PROSER3: variants seen among roughly 807,000 people sequenced by gnomAD.
PROSER3 encodes the protein proline and serine-rich protein 3.
In PROSER3, 33 loss-of-function variants were observed where a neutral mutation model predicts 50.2. The ratio of observed to expected loss-of-function variants is 0.66; its 90% CI spans 0.50 to 0.88. The LOEUF is 0.88. Among genes scored for constraint, PROSER3 ranks in the 40% least tolerant of loss-of-function variants. The probability of loss-of-function intolerance (pLI) is 0.00; values close to 1 mark genes in which losing one functional copy is unlikely to be tolerated. For missense variants in PROSER3, 623 were observed against 612.7 expected, an observed-to-expected ratio of 1.02 and a Z score of -0.18; for synonymous variants, 266 against 259.3, an observed-to-expected ratio of 1.03 and a Z score of -0.25.
chr19:35,758,324 C>T, intron 1 of PROSER3, 98 bp downstream of exon 1: 14 of 1,405,106 alleles, frequency 1.0e-5, no homozygotes, highest in Non-Finnish European at 1.3e-5. Flanking sequence ...TCTGGAGTCG[C>T]TAGGGCTCCA....
At chr19:35,762,395 C>G (rs753931790) in intron 5 of PROSER3, 39 bp downstream of exon 5, 2 of 1,495,688 alleles carry the variant, frequency 1.3e-6, no homozygotes, top group East Asian at 2.4e-5. Context: ...GGTGCCTGAA[C>G]TGACAACACC....
intron 5 of PROSER3, among the ~76,000 whole-genome samples, chr19:35,763,455 C>T (rs4806201): frequency 0.16 from 24,744 of 150,834 alleles, 2,222 homozygotes; most frequent in South Asian, 0.29. Context: ...ATCCGCCCAC[C>T]TCAGCCTCCC....
intron 2 of PROSER3, 127 bp from the exon 3 acceptor site, chr19:35,759,662 G>T: frequency 9.4e-7 from 1 of 1,058,968 alleles, no homozygotes; most frequent in Non-Finnish European, 1.4e-6. Flanking sequence ...CATCACACTA[G>T]GTTGTTATCA....
intron 5 of PROSER3, chr19:35,762,611 A>C (rs960811116): frequency 2.4e-6 from 1 of 420,032 alleles, no homozygotes; most frequent in Non-Finnish European, 4.3e-6. Context: ...CTGTAATCCC[A>C]GCTACTTGAG....
rs373216737 is a variant in PROSER3, at chr19:35,767,946, C to G, written c.1100C>G (p.Ser367Trp). 8.1e-5 allele frequency: 131 copies of G among 1,610,770 alleles called. No individual in the cohort carries two copies. The East Asian group carries it at 1.4e-3, about 17-fold the overall frequency. The change falls in exon 9 of 11, where the codon TCG becomes TGG. Residue 367 changes from serine to tryptophan, a missense_variant. This residue lies in a region of PROSER3 where 380 missense variants were observed against 346.8 expected (regional missense o/e 1.10). Coordinates refer to ENST00000396908, the Ensembl canonical transcript of PROSER3. ...GAGCAGGCAACCACAGTCAAGGCCT[C>G]GCCGCCAGCCTTCCAGGTGGGGTCT...
intron 5 of PROSER3, 116 bp downstream of exon 5, chr19:35,762,472 GCCAAGGT>G (rs1970987275): frequency 2.0e-6 from 2 of 991,794 alleles, no homozygotes; most frequent in African/African-American, 3.2e-5. Flanking sequence ...ACTTTGGGAG[GCCAAGGT>G]GAGAGGACTG....
At chr19:35,758,213 G>A (rs1339650566) in exon 1 of PROSER3, 1 of 1,561,882 alleles carries the variant, frequency 6.4e-7, no homozygotes, top group Admixed American at 1.9e-5. Context: ...AGGGAGCCGC[G>A]GGATGGACCG....
intron 2 of PROSER3, 49 bp from the exon 3 acceptor site, chr19:35,759,740 A>T: frequency 6.7e-7 from 1 of 1,487,490 alleles, no homozygotes; most frequent in South Asian, 1.2e-5. Flanking sequence ...TGCAGGGATG[A>T]CCCATGAGAC....
Position 35,767,051 on chromosome 19 carries a change from ATC to A in PROSER3, c.957+102_957+103del, listed in dbSNP as rs1971171448. 7.3e-7 allele frequency: 1 copy of A among 1,368,816 alleles called. No individual in the cohort carries two copies. Among genetic ancestry groups the A allele is most frequent in the Non-Finnish European group, 9.8e-7 (1 of 1,016,442 alleles). 84.8% of individuals were successfully genotyped at this position (1,368,816 alleles called of 1,614,324 possible). A position where few individuals can be genotyped will look rare whatever the true frequency, so the allele number is the denominator to read the frequency against. On this transcript the variant is annotated intron_variant, in intron 8 of 10. Coordinates refer to ENST00000396908, the Ensembl canonical transcript of PROSER3. The stretch of plus-strand genomic sequence containing the variant: ...TCCACCCTCTCTCTCTCTGTCTCAG[ATC>A]TCTCTTATCTGTCTACAGACCTCTC...
At chr19:35,762,307 A>G in exon 5 of PROSER3, 1 of 1,611,402 alleles carries the variant, frequency 6.2e-7, no homozygotes, top group African/African-American at 1.3e-5. Context: ...ACTGCGGTCA[A>G]CGTGACCAGT....
intron 8 of PROSER3, chr19:35,767,449 C>G: frequency 2.9e-6 from 1 of 341,220 alleles, no homozygotes. Flanking sequence ...TGGCCTGTAC[C>G]CCTGCACCTC....
rs775315296 is a variant in PROSER3 at position 35,768,570 on chromosome 19, G to A, written c.*25G>A. ...AATTGTACAGATTCTATTTTACCCA[G>A]TGAGGCTCTTTTTTTTTTTTTCATA... On this transcript the variant is annotated 3_prime_UTR_variant, in exon 11 of 11. Transcript: ENST00000396908. 26 of 1,536,100 alleles carry A rather than the reference G, an allele frequency of 1.7e-5. No individual in the cohort carries two copies. The South Asian group carries it at 2.5e-4, about 15-fold the overall frequency.
At chr19:35,768,367 A>G (rs749335249) in intron 10 of PROSER3, 37 bp from the exon 11 acceptor site, 2 of 1,586,926 alleles carry the variant, frequency 1.3e-6, no homozygotes, top group South Asian at 2.2e-5. Flanking sequence ...AAGCCTGAGC[A>G]CATACCCCAG....
chr19:35,759,853 G>T, exon 3 of PROSER3: 2 of 1,580,328 alleles, frequency 1.3e-6, no homozygotes, highest in Non-Finnish European at 1.7e-6. Context: ...CTAGCCACAG[G>T]TCCCAACTCC....
chr19:35,766,726 C>G, intron 7 of PROSER3, 42 bp from the exon 8 acceptor site: 1 of 1,461,680 alleles, frequency 6.8e-7, no homozygotes, highest in South Asian at 1.3e-5. Context: ...GCTGATCTCC[C>G]TGGCCCCTGC....
chr19:35,767,796 G>T, intron 8 of PROSER3: 8 of 1,607,132 alleles, frequency 5.0e-6, no homozygotes, highest in Non-Finnish European at 6.8e-6. Flanking sequence ...TCCCAGTGTC[G>T]GGCCAAGGCC....
At chr19:35,764,652 C>T (rs1971075731) in intron 5 of PROSER3, among the ~76,000 whole-genome samples, 1 of 146,948 alleles carries the variant, frequency 6.8e-6, no homozygotes, top group African/African-American at 2.5e-5. Flanking sequence ...GAAATTCAAT[C>T]TCAAAAAAAA....
chr19:35,762,248 C>T lies in PROSER3; in HGVS notation c.440-5C>T, dbSNP rs201186024. On this transcript the variant is annotated splice_polypyrimidine_tract_variant and splice_region_variant and intron_variant, in intron 4 of 10. Coordinates refer to ENST00000396908, the Ensembl canonical transcript of PROSER3. ...GGCCCTCATACCTCAACTGGGGCTT[C>T]TCAGCAGGAGCCAACAAACCAGAAG... The T allele has an allele frequency of 4.2e-5, 67 of 1,609,390 alleles. No homozygotes were observed. Among genetic ancestry groups the T allele is most frequent in the Non-Finnish European group, 5.2e-5 (61 of 1,176,476 alleles).
exon 5 of PROSER3, chr19:35,762,293 C>G (rs747942855): frequency 6.8e-6 from 11 of 1,612,008 alleles, no homozygotes; most frequent in East Asian, 2.2e-5. Flanking sequence ...ATACAGCTGT[C>G]CCTACTGCGG....
Sources: gnomAD v4.1 joint callset for allele counts (sites outside exome capture counted in the v4.1 genomes callset) on GRCh38, gnomAD v4.1.1 for gene constraint, gnomAD v4.1.1 regional missense constraint, MANE v1.5 for transcripts, NCBI Gene and HGNC (gene_info 2026-07-23, HGNC 2026-07-21) for gene names.